The following CAMSAP2 variants were observed in gnomAD, a reference collection of about 807,000 sequenced individuals.
CAMSAP2 encodes the protein calmodulin regulated spectrin associated protein family member 2.
Under a neutral mutation model 146.1 loss-of-function variants are expected in CAMSAP2, and 26 were observed. The observed-to-expected ratio is 0.18, with a 90% CI of 0.13 to 0.25. The LOEUF (loss-of-function observed/expected upper bound fraction) is 0.25. Ranked by LOEUF, CAMSAP2 falls within the 10% of genes least tolerant of loss-of-function variation. The pLI is 1.00. For missense variants in CAMSAP2, 1,381 were observed against 1,759.3 expected (o/e 0.78, Z 3.85); for synonymous variants, 499 against 596.6 (o/e 0.84, Z 2.38).
chr1:200,819,606 C>CAA (rs772167719), intron 4 of CAMSAP2, among the ~76,000 whole-genome samples: 60 of 152,060 alleles, frequency 3.9e-4, no homozygotes, highest in Non-Finnish European at 7.8e-4. Context: ...AGGCACTTGA[C>CAA]CTCTCTGGGC....
At chr1:200,838,907 G>GA (rs931587869) in intron 6 of CAMSAP2, among the ~76,000 whole-genome samples, 31 of 152,338 alleles carry the variant, frequency 2.0e-4, no homozygotes, top group African/African-American at 7.2e-4. Context: ...GGACATGGGA[G>GA]AAAGAAGGTG....
intron 2 of CAMSAP2, among the ~76,000 whole-genome samples, chr1:200,769,823 C>G (rs878890657): frequency 6.6e-6 from 1 of 152,134 alleles, no homozygotes; most frequent in East Asian, 1.9e-4. Flanking sequence ...CTTGGCATCC[C>G]TTTTCCCAGG....
At chr1:200,785,471 C>A (rs551283738) in intron 2 of CAMSAP2, among the ~76,000 whole-genome samples, 2 of 151,416 alleles carry the variant, frequency 1.3e-5, no homozygotes, top group African/African-American at 4.8e-5. Flanking sequence ...TCACTGCAAC[C>A]TCTGCCTCCC....
chr1:200,797,748 T>C (rs1403184330), intron 2 of CAMSAP2, among the ~76,000 whole-genome samples: 5 of 106,396 alleles, frequency 4.7e-5, no homozygotes, highest in Non-Finnish European at 9.4e-5. Context: ...TCCTTGCCCA[T>C]GCCTATGTCC....
At position 200,773,887 on chromosome 1, in the gene CAMSAP2, A is replaced by AAAAATAAAATAAAAT. The variant is rs201163114; in HGVS notation, c.399+12843_399+12857dup. 2.7e-3 allele frequency among the ~76,000 whole-genome samples: 367 copies of AAAAATAAAATAAAAT among 134,372 alleles called. 4 individuals are homozygous for AAAAATAAAATAAAAT. The highest frequency in any genetic ancestry group is 4.4e-3 in the Non-Finnish European group (280 of 63,374). The allele number at this position is 134,372 out of a possible 152,430, so 88.2% of individuals were successfully genotyped here. The stretch of plus-strand genomic sequence containing the variant: ...GGCAACAGAGCAAGACTCTGTCTCA[A>AAAAATAAAATAAAAT]AAAATAAAATAAAATAAAATAAAAT... On this transcript the variant is annotated intron_variant, in intron 2 of 16. Coordinates refer to ENST00000358823, the MANE Select transcript of CAMSAP2 (RefSeq NM_203459.4).
chr1:200,850,401 G>T (rs1464635037), intron 11 of CAMSAP2, among the ~76,000 whole-genome samples, 167 bp downstream of exon 11: 1 of 152,058 alleles, frequency 6.6e-6, no homozygotes, highest in Non-Finnish European at 1.5e-5. Flanking sequence ...GTGGTTTCCA[G>T]TATGGACTCA....
rs139924348 is a variant in CAMSAP2, at chr1:200,834,103, C to T, written c.927+1258C>T. On this transcript the variant is annotated intron_variant, in intron 6 of 16. Coordinates refer to ENST00000358823, the MANE Select transcript of CAMSAP2 (RefSeq NM_203459.4). Reference sequence around the variant, plus strand: ...TCATGGCTGAGCATGGTGGCTCACACCTGTAATCTCAGCACTTTGGGAGGC... The same window carrying T: ...TCATGGCTGAGCATGGTGGCTCACATCTGTAATCTCAGCACTTTGGGAGGC... Among the ~76,000 whole-genome samples the T allele has an allele frequency of 1.9e-3, 296 of 152,234 alleles. 1 individual carries two copies. The highest frequency in any genetic ancestry group is 6.9e-3 in the African/African-American group (288 of 41,534).
intron 2 of CAMSAP2, among the ~76,000 whole-genome samples, chr1:200,766,148 T>C (rs1413922205): frequency 6.6e-6 from 1 of 151,860 alleles, no homozygotes; most frequent in African/African-American, 2.4e-5. Flanking sequence ...AGCTCTTTTT[T>C]TTTTTTTTTT....
intron 2 of CAMSAP2, among the ~76,000 whole-genome samples, chr1:200,781,356 G>C (rs1193373538): frequency 6.6e-6 from 1 of 152,194 alleles, no homozygotes; most frequent in Non-Finnish European, 1.5e-5. Flanking sequence ...CAATTATGTT[G>C]AGTGGTGGTG....
In CAMSAP2 at chr1:200,739,162, A is replaced by G. The variant is rs1289684255; in HGVS notation, c.-666A>G. On this transcript the variant is annotated 5_prime_UTR_variant, in exon 1 of 17. Coordinates refer to ENST00000358823, the MANE Select transcript of CAMSAP2 (RefSeq NM_203459.4). The surrounding 1 kb of genome is among the most constrained non-coding windows in gnomAD (Gnocchi z 4.8). ...GAGACGGCGACGGGAGGGAGCACAG[A>G]GGAGGGGACGGGCCGGCGGCGGCCT... Among the ~76,000 whole-genome samples, 3 of 151,418 alleles carry G rather than the reference A, an allele frequency of 2.0e-5. No individual in the cohort carries two copies. Among genetic ancestry groups the G allele is most frequent in the Non-Finnish European group, 4.4e-5 (3 of 67,808 alleles).
Position 200,849,770 on chromosome 1 carries a change from C to T in CAMSAP2, c.3001C>T (p.Leu1001Phe), listed in dbSNP as rs756195287. The change falls in exon 11 of 17, where the codon CTT becomes TTT. Residue 1001 changes from leucine (L) to phenylalanine (F), a missense_variant. Around this residue, in one of 4 missense-constraint regions of CAMSAP2, gnomAD observed 560 missense variants for 715.9 expected, o/e 0.78. Transcript: ENST00000358823. This position sits in a 1 kb window ranked among gnomAD's most constrained non-coding sequence, Gnocchi z 6.3. ...TLTPPRSVDS[L>F]PRLRRFSPSQ... ...GACACCTCCTCGGTCTGTGGATAGC[C>T]TTCCTCGGTTAAGGAGGTTTTCACC... 1 of 1,614,182 alleles carries T rather than the reference C, an allele frequency of 6.2e-7. No homozygotes were observed. Among genetic ancestry groups the T allele is most frequent in the South Asian group, 1.1e-5 (1 of 91,086 alleles).
intron 4 of CAMSAP2, among the ~76,000 whole-genome samples, chr1:200,820,066 T>TC (rs1239515944): frequency 6.6e-6 from 1 of 151,990 alleles, no homozygotes; most frequent in Non-Finnish European, 1.5e-5. Flanking sequence ...CAAAAAATTT[T>TC]TTTTTTTTTT....
At chr1:200,814,996 A>G (rs867336969) in intron 3 of CAMSAP2, among the ~76,000 whole-genome samples, 3 of 151,636 alleles carry the variant, frequency 2.0e-5, no homozygotes, top group Middle Eastern at 3.2e-3. Context: ...TGGATTATGG[A>G]CTGCTTGAAT....
Position 200,793,069 on chromosome 1 carries a change from G to A in CAMSAP2, c.400-14307G>A, listed in dbSNP as rs577754308. On this transcript the variant is annotated intron_variant, in intron 2 of 16. Transcript: ENST00000358823. ...ACCATGTGGAGCAGAAATGGTTTCA[G>A]TGTCATTTCTCACTGGTAGTGAGAA... Among the ~76,000 whole-genome samples the A allele has an allele frequency of 4.5e-4, 68 of 152,330 alleles. 1 individual carries two copies. The South Asian group carries it at 0.012, about 28-fold the overall frequency.
intron 8 of CAMSAP2, among the ~76,000 whole-genome samples, chr1:200,846,754 T>A (rs1197568398): frequency 3.3e-5 from 5 of 152,194 alleles, no homozygotes; most frequent in Admixed American, 3.3e-4. Flanking sequence ...AAGCAAAAGA[T>A]GTTTTCAGCA....
chr1:200,818,707 C>T (rs1301106850), intron 4 of CAMSAP2, among the ~76,000 whole-genome samples: 6 of 152,234 alleles, frequency 3.9e-5, no homozygotes, highest in African/African-American at 1.4e-4. Context: ...GGCATTTGAA[C>T]TGTGTACTTG....
chr1:200,758,169 A>G (rs1350419358), intron 1 of CAMSAP2, among the ~76,000 whole-genome samples: 1 of 152,222 alleles, frequency 6.6e-6, no homozygotes, highest in African/African-American at 2.4e-5. Context: ...ATGGATGTAA[A>G]AGCAGTAAGT....
Position 200,849,211 on chromosome 1 carries a change from T to C in CAMSAP2, c.2442T>C (p.Tyr814=). Residue 814 remains tyrosine (Y), a synonymous_variant, in exon 11 of 17, where the codon TAT becomes TAC. Coordinates refer to ENST00000358823, the MANE Select transcript of CAMSAP2 (RefSeq NM_203459.4). The surrounding 1 kb of genome is among the most constrained non-coding windows in gnomAD (Gnocchi z 6.3). The part of the protein sequence containing the change: ...EAAGAEDEKV[Y]TDRAKEKESQ... Reference sequence around the variant, plus strand: ...CGGGTGCAGAAGATGAGAAAGTATATACTGATCGAGCAAAAGAAAAGGAAT... The same window carrying C: ...CGGGTGCAGAAGATGAGAAAGTATACACTGATCGAGCAAAAGAAAAGGAAT... 6.2e-7 allele frequency: 1 copy of C among 1,613,712 alleles called. No homozygotes were observed. The highest frequency in any genetic ancestry group is 8.5e-7 in the Non-Finnish European group (1 of 1,179,964).
At chr1:200,851,061 C>T (rs2102257904) in intron 11 of CAMSAP2, among the ~76,000 whole-genome samples, 1 of 152,298 alleles carries the variant, frequency 6.6e-6, no homozygotes, top group South Asian at 2.1e-4. Flanking sequence ...TCAAATGTTT[C>T]ATCATTTGTG....
Sources: gnomAD v4.1 joint callset for allele counts (sites outside exome capture counted in the v4.1 genomes callset) on GRCh38, gnomAD v4.1.1 for gene constraint, gnomAD v4.1.1 regional missense constraint, Gnocchi (gnomAD v3.1) non-coding constraint, MANE v1.5 for transcripts, NCBI Gene and HGNC (gene_info 2026-07-23, HGNC 2026-07-21) for gene names.